FGFR2: variants seen among roughly 807,000 people sequenced by gnomAD.
The protein encoded by FGFR2 is BEK fibroblast growth factor receptor.
FGFR2 carries 19 observed loss-of-function variants against 95.9 expected under a neutral mutation model. That is an observed-to-expected ratio of 0.20 (90% CI 0.14 to 0.29). The LOEUF (loss-of-function observed/expected upper bound fraction) is 0.29. Among genes scored for constraint, FGFR2 ranks in the 10% least tolerant of loss-of-function variants. FGFR2 has a pLI of 1.00. For synonymous variants in FGFR2, 392 were observed against 393.3 expected, an observed-to-expected ratio of 1.00 and a Z score of 0.04; for missense variants, 707 against 1,056.9, an observed-to-expected ratio of 0.67 and a Z score of 4.59.
chr10:121,544,057 A>G (rs1854148508), intron 5 of FGFR2, among the ~76,000 whole-genome samples: 1 of 152,226 alleles, frequency 6.6e-6, no homozygotes, highest in South Asian at 2.1e-4. Flanking sequence ...TATAGCAAGG[A>G]CTGGGACAGA....
chr10:121,510,385 T>C (rs574231615), intron 9 of FGFR2, among the ~76,000 whole-genome samples: 28 of 152,224 alleles, frequency 1.8e-4, no homozygotes, highest in African/African-American at 6.3e-4. Context: ...AGCAGCGAAA[T>C]AGGGGCAGGG....
intron 6 of FGFR2, 179 bp downstream of exon 6, chr10:121,538,413 G>C (rs1252603895): frequency 9.9e-7 from 1 of 1,005,410 alleles, no homozygotes; most frequent in South Asian, 1.3e-5. Flanking sequence ...CTGGCTGCCT[G>C]GAAAACAGAA....
chr10:121,572,580 A>G (rs1393900931), intron 2 of FGFR2, among the ~76,000 whole-genome samples: 2 of 152,158 alleles, frequency 1.3e-5, no homozygotes, highest in Non-Finnish European at 2.9e-5. Flanking sequence ...AGACCATGCC[A>G]TTGCACTCCA....
chr10:121,500,365 C>T (rs865927843), intron 11 of FGFR2, among the ~76,000 whole-genome samples: 1 of 152,152 alleles, frequency 6.6e-6, no homozygotes, highest in African/African-American at 2.4e-5. Context: ...GTCATTTCTG[C>T]TTTGTTCCTC....
chr10:121,531,860 A>C lies in FGFR2; in HGVS notation c.748+6732T>G, dbSNP rs1354526101. On this transcript the variant is annotated intron_variant, in intron 6 of 17. Transcript: ENST00000358487. This position sits in a 1 kb window ranked among gnomAD's most constrained non-coding sequence, Gnocchi z 4.5. ...AGCGATGGTTTATAAGAACAGGATG[A>C]GATGGCTGCTGGGGACACGAAAGCG... 2.0e-5 allele frequency among the ~76,000 whole-genome samples: 3 copies of C among 152,198 alleles called. No individual in the cohort carries two copies. The East Asian group carries it at 5.8e-4, about 29-fold the overall frequency.
intron 6 of FGFR2, among the ~76,000 whole-genome samples, chr10:121,528,262 C>A (rs1335239702): frequency 2.0e-5 from 3 of 152,184 alleles, no homozygotes; most frequent in African/African-American, 7.2e-5. Context: ...AATATTCACA[C>A]AGATGCCCAC....
At chr10:121,560,914 TC>T (rs1013268410) in intron 4 of FGFR2, among the ~76,000 whole-genome samples, 1 of 152,146 alleles carries the variant, frequency 6.6e-6, no homozygotes, top group Non-Finnish European at 1.5e-5. Flanking sequence ...AATCTGCATT[TC>T]GAGGGAGTTC....
chr10:121,562,128 CT>C (rs1857072292), intron 4 of FGFR2, among the ~76,000 whole-genome samples: 1 of 152,150 alleles, frequency 6.6e-6, no homozygotes, highest in South Asian at 2.1e-4. Flanking sequence ...AGGTGGTTTC[CT>C]ACAAATCTAA....
At chr10:121,564,600 T>G in intron 3 of FGFR2, 21 bp from the exon 4 acceptor site, 3 of 1,608,300 alleles carry the variant, frequency 1.9e-6, no homozygotes, top group Non-Finnish European at 2.6e-6. Flanking sequence ...AAGAACATAT[T>G]CCATGGATGT....
At chr10:121,585,876 G>A (rs12267147) in intron 2 of FGFR2, among the ~76,000 whole-genome samples, 1 of 152,202 alleles carries the variant, frequency 6.6e-6, no homozygotes, top group Non-Finnish European at 1.5e-5. Context: ...TGGAAATCCA[G>A]GAGGCTTAGC....
intron 2 of FGFR2, among the ~76,000 whole-genome samples, chr10:121,571,821 T>C (rs1207636071): frequency 6.6e-6 from 1 of 151,738 alleles, no homozygotes; most frequent in East Asian, 2.0e-4. Flanking sequence ...CGCATGCCTA[T>C]AGTCCCAGCT....
intron 2 of FGFR2, among the ~76,000 whole-genome samples, chr10:121,588,467 T>C (rs910880220): frequency 1.3e-5 from 2 of 151,732 alleles, no homozygotes; most frequent in African/African-American, 4.8e-5. Flanking sequence ...AGAAGGCAAG[T>C]CAGGGAGGAA....
At chr10:121,515,420 G>T in intron 8 of FGFR2, 101 bp from the exon 9 acceptor site, 1 of 1,225,822 alleles carries the variant, frequency 8.2e-7, no homozygotes, top group Non-Finnish European at 1.2e-6. Context: ...AAAAGGCGAC[G>T]ACCATTCTCA....
chr10:121,577,877 C>A (rs1860184064), intron 2 of FGFR2, among the ~76,000 whole-genome samples: 1 of 152,138 alleles, frequency 6.6e-6, no homozygotes, highest in Non-Finnish European at 1.5e-5. Context: ...CCTCCACCAG[C>A]CTCTTCTCTT....
intron 17 of FGFR2, chr10:121,482,092 C>T (rs1225203040): frequency 1.6e-6 from 2 of 1,275,332 alleles, no homozygotes; most frequent in African/African-American, 2.9e-5. Flanking sequence ...CTGCCTCGGC[C>T]TCCCAAAGTG....
chr10:121,578,955 G>A (rs994986381), intron 2 of FGFR2, among the ~76,000 whole-genome samples: 12 of 152,180 alleles, frequency 7.9e-5, no homozygotes, highest in Admixed American at 3.3e-4. Context: ...AGGCCTGCAG[G>A]TGCGGGCTGA....
chr10:121,591,501 C>G (rs1045086291), intron 2 of FGFR2, among the ~76,000 whole-genome samples: 3 of 152,146 alleles, frequency 2.0e-5, no homozygotes, highest in Non-Finnish European at 4.4e-5. Context: ...GTGGAAGAGT[C>G]AGAAGACTTC....
intron 2 of FGFR2, among the ~76,000 whole-genome samples, chr10:121,583,793 G>T (rs1053776119): frequency 1.3e-5 from 2 of 152,008 alleles, no homozygotes; most frequent in Admixed American, 1.3e-4. Context: ...AGGAAGAAGG[G>T]AAATTTTTCT....
chr10:121,537,469 C>T (rs1477031925), intron 6 of FGFR2, among the ~76,000 whole-genome samples: 2 of 151,996 alleles, frequency 1.3e-5, no homozygotes, highest in African/African-American at 4.8e-5. Context: ...TTTTTAGTGG[C>T]TTTTTGGGCA....
Sources: allele counts gnomAD v4.1 joint callset (sites outside exome capture counted in the v4.1 genomes callset), GRCh38; gene constraint gnomAD v4.1.1; non-coding constraint Gnocchi (gnomAD v3.1); transcripts MANE v1.5; gene names NCBI Gene and HGNC (gene_info 2026-07-23, HGNC 2026-07-21).